TGFBR3: variants seen among roughly 807,000 people sequenced by gnomAD.
TGFBR3 encodes transforming growth factor beta receptor 3.
A neutral mutation model predicts 87.9 loss-of-function variants in TGFBR3; 46 were observed. The ratio of observed to expected loss-of-function variants is 0.52; its 90% CI spans 0.41 to 0.67. The LOEUF is 0.67. Ranked by LOEUF, TGFBR3 falls within the 30% of genes least tolerant of loss-of-function variation. TGFBR3 has a pLI of 0.00. For synonymous variants in TGFBR3, 381 were observed against 391.6 expected (o/e 0.97, Z 0.32); for missense variants, 866 against 1,041.9 (o/e 0.83, Z 2.32).
Position 91,682,404 on chromosome 1 carries a change from C to CTTTTTTTTTTTT in TGFBR3, c.*1323_*1334dup. The CTTTTTTTTTTTT allele has an allele frequency of 1.4e-5, 5 of 346,154 alleles. 1 individual carries two copies. Among genetic ancestry groups the CTTTTTTTTTTTT allele is most frequent in the African/African-American group, 5.3e-5 (2 of 37,632 alleles). The allele number at this position is 346,154 out of a possible 1,614,324, so 21.4% of individuals were successfully genotyped here. A position where few individuals can be genotyped will look rare whatever the true frequency, so the allele number is the denominator to read the frequency against. ...AGCATGATAATTCCCCCCTGGCATT[C>CTTTTTTTTTTTT]TTTTTTTTTTTTTTTTTTTTTAACA... On this transcript the variant is annotated 3_prime_UTR_variant, in exon 17 of 17. Transcript: ENST00000212355.
intron 4 of TGFBR3, among the ~76,000 whole-genome samples, chr1:91,740,765 C>T (rs942688296): frequency 1.3e-5 from 2 of 152,172 alleles, no homozygotes. Context: ...TTCCTCTAGT[C>T]TACCAGTCCA....
At chr1:91,858,397 C>G (rs1272461504) in intron 2 of TGFBR3, among the ~76,000 whole-genome samples, 1 of 151,596 alleles carries the variant, frequency 6.6e-6, no homozygotes, top group Non-Finnish European at 1.5e-5. Context: ...GGCGGATTGC[C>G]TGAGCTCAGG....
intron 2 of TGFBR3, among the ~76,000 whole-genome samples, chr1:91,811,195 C>T (rs919790868): frequency 6.6e-6 from 1 of 152,108 alleles, no homozygotes; most frequent in Non-Finnish European, 1.5e-5. Context: ...CCTGTAGTCC[C>T]ATCTACTCAG....
intron 3 of TGFBR3, among the ~76,000 whole-genome samples, chr1:91,796,581 T>A (rs1340336246): frequency 6.6e-6 from 1 of 152,110 alleles, no homozygotes; most frequent in Non-Finnish European, 1.5e-5. Context: ...CCCTCACTCA[T>A]CCTGCAGAAG....
intron 4 of TGFBR3, among the ~76,000 whole-genome samples, chr1:91,740,466 T>C (rs1673125888): frequency 6.7e-6 from 1 of 149,912 alleles, no homozygotes; most frequent in Admixed American, 6.6e-5. Flanking sequence ...ACGGGTTCAA[T>C]TGATTCTCCT....
intron 1 of TGFBR3, among the ~76,000 whole-genome samples, chr1:91,904,927 C>G (rs1679812548): frequency 6.6e-6 from 1 of 151,936 alleles, no homozygotes; most frequent in Non-Finnish European, 1.5e-5. Flanking sequence ...GTCTTGAACT[C>G]CTAACCTCGT....
intron 10 of TGFBR3, among the ~76,000 whole-genome samples, chr1:91,717,931 T>C (rs1672232920): frequency 6.6e-6 from 1 of 152,100 alleles, no homozygotes; most frequent in African/African-American, 2.4e-5. Flanking sequence ...CTTTTGGTGT[T>C]AACTTGGACC....
At chr1:91,741,281 T>A (rs1361849316) in intron 4 of TGFBR3, among the ~76,000 whole-genome samples, 2 of 152,156 alleles carry the variant, frequency 1.3e-5, no homozygotes, top group Admixed American at 6.5e-5. Context: ...TTTATTCATT[T>A]ATGATAAAGG....
intron 3 of TGFBR3, among the ~76,000 whole-genome samples, chr1:91,782,357 G>A (rs1461260419): frequency 2.6e-5 from 4 of 152,290 alleles, no homozygotes; most frequent in African/African-American, 9.6e-5. Flanking sequence ...TTTGGAAGAT[G>A]CCCGAATTTA....
chr1:91,774,783 C>T (rs189331828), intron 3 of TGFBR3, among the ~76,000 whole-genome samples: 1 of 152,270 alleles, frequency 6.6e-6, no homozygotes, highest in Admixed American at 6.5e-5. Flanking sequence ...TTCTCTCTTT[C>T]CCTCCTGACA....
intron 2 of TGFBR3, among the ~76,000 whole-genome samples, chr1:91,833,454 C>G (rs1676937518): frequency 1.1e-5 from 1 of 94,018 alleles, no homozygotes; most frequent in Admixed American, 1.4e-4. Flanking sequence ...GAGCAAAGCT[C>G]TGTCTCAAAA....
intron 16 of TGFBR3, among the ~76,000 whole-genome samples, chr1:91,694,118 G>C (rs904886687): frequency 6.6e-6 from 1 of 152,050 alleles, no homozygotes; most frequent in Admixed American, 6.6e-5. Context: ...CCCCACCTCA[G>C]CCAGCTGGGA....
intron 2 of TGFBR3, among the ~76,000 whole-genome samples, chr1:91,834,792 C>T (rs1292221449): frequency 6.6e-6 from 1 of 152,212 alleles, no homozygotes; most frequent in Non-Finnish European, 1.5e-5. Flanking sequence ...CATTCTCCTG[C>T]CTCAGCCTCC....
intron 14 of TGFBR3, among the ~76,000 whole-genome samples, chr1:91,706,515 TA>T (rs1260110546): frequency 2.0e-5 from 3 of 152,206 alleles, no homozygotes; most frequent in African/African-American, 7.2e-5. Context: ...CTATATGGTC[TA>T]AAAAGGGGAG....
At chr1:91,826,527 A>C (rs776834235) in intron 2 of TGFBR3, among the ~76,000 whole-genome samples, 4 of 152,078 alleles carry the variant, frequency 2.6e-5, no homozygotes, top group Non-Finnish European at 5.9e-5. Context: ...AGAGAGACAT[A>C]CTGGGTGTCT....
chr1:91,741,575 T>C (rs1358941633), intron 4 of TGFBR3, among the ~76,000 whole-genome samples: 2 of 152,040 alleles, frequency 1.3e-5, no homozygotes, highest in African/African-American at 2.4e-5. Flanking sequence ...AGTTCTAACC[T>C]CTAATCACAT....
chr1:91,882,952 A>G (rs1467674073), intron 1 of TGFBR3, among the ~76,000 whole-genome samples: 2 of 152,204 alleles, frequency 1.3e-5, no homozygotes, highest in Non-Finnish European at 2.9e-5. Context: ...ATTTAGGATT[A>G]CTGATCCCCT....
chr1:91,744,188 G>T (rs1368515923), intron 4 of TGFBR3, among the ~76,000 whole-genome samples: 1 of 150,800 alleles, frequency 6.6e-6, no homozygotes, highest in Non-Finnish European at 1.5e-5. Flanking sequence ...AGGTTCAAGC[G>T]ATTCTCCTGC....
At chr1:91,836,093 C>T (rs1308428655) in intron 2 of TGFBR3, among the ~76,000 whole-genome samples, 2 of 149,624 alleles carry the variant, frequency 1.3e-5, no homozygotes, top group Non-Finnish European at 3.0e-5. Context: ...ACTAAAAATA[C>T]AAAATTAGCC....
Sources: gnomAD v4.1 joint callset for allele counts (sites outside exome capture counted in the v4.1 genomes callset) on GRCh38, gnomAD v4.1.1 for gene constraint, MANE v1.5 for transcripts, NCBI Gene and HGNC (gene_info 2026-07-23, HGNC 2026-07-21) for gene names.